RARB: variants seen among roughly 807,000 people sequenced by gnomAD.
RARB encodes the protein HBV-activated protein.
RARB carries 17 observed loss-of-function variants against 51.9 expected under a neutral mutation model. That is an observed-to-expected ratio of 0.33 (90% CI 0.22 to 0.49). The LOEUF (loss-of-function observed/expected upper bound fraction) is 0.49, where lower values mean the gene tolerates loss of function less well. Among genes scored for constraint, RARB ranks in the 20% least tolerant of loss-of-function variants. RARB has a pLI of 0.99. For missense variants in RARB, 369 were observed against 550.8 expected, an observed-to-expected ratio of 0.67 and a Z score of 3.30; for synonymous variants, 215 against 195.4, an observed-to-expected ratio of 1.10 and a Z score of -0.84.
In RARB at chr3:25,428,720, G is replaced by A; in HGVS notation, c.-12G>A. On this transcript the variant is annotated 5_prime_UTR_variant, in exon 1 of 8. Transcript: ENST00000330688. ...ATAAGCACTTTTGCAGACATTCAGT[G>A]CAAGGGAGATCATGTTTGACTGTAT... The A allele has an allele frequency of 6.2e-7, 1 of 1,612,078 alleles. No homozygotes were observed. The highest frequency in any genetic ancestry group is 8.5e-7 in the Non-Finnish European group (1 of 1,178,396).
intron 5 of RARB, among the ~76,000 whole-genome samples, chr3:25,234,636 T>C (rs925238785): frequency 2.0e-5 from 3 of 148,332 alleles, no homozygotes; most frequent in African/African-American, 7.4e-5. Context: ...CACTTCTCTT[T>C]TCCCTGGGAC....
At chr3:25,200,993 A>C (rs867420914) in intron 5 of RARB, among the ~76,000 whole-genome samples, 6 of 152,112 alleles carry the variant, frequency 3.9e-5, no homozygotes, top group African/African-American at 1.2e-4. Flanking sequence ...TCATTGGTAG[A>C]TTGATGAGGA....
chr3:25,342,899 G>A (rs1485536460), intron 5 of RARB, among the ~76,000 whole-genome samples: 2 of 152,114 alleles, frequency 1.3e-5, no homozygotes, highest in Non-Finnish European at 2.9e-5. Context: ...TTGTGATGGA[G>A]CCCAGTGCTG....
intron 3 of RARB, among the ~76,000 whole-genome samples, chr3:25,520,617 A>G (rs77898348): frequency 0.039 from 5,873 of 152,318 alleles, 148 homozygotes; most frequent in Non-Finnish European, 0.057. Flanking sequence ...TTATCTAGAA[A>G]TTGCCTCAGA....
At chr3:25,127,927 C>A (rs1699887757) in intron 3 of RARB, among the ~76,000 whole-genome samples, 1 of 152,060 alleles carries the variant, frequency 6.6e-6, no homozygotes, top group Admixed American at 6.6e-5. Flanking sequence ...AAAAAAGCCA[C>A]CATTTGGGTA....
chr3:24,930,868 C>T (rs1034645659), intron 2 of RARB, among the ~76,000 whole-genome samples: 1 of 151,976 alleles, frequency 6.6e-6, no homozygotes, highest in Non-Finnish European at 1.5e-5. Flanking sequence ...TAAAAAATAG[C>T]CAGGTGTGGT....
chr3:25,237,061 C>T (rs534601729), intron 5 of RARB, among the ~76,000 whole-genome samples: 16 of 151,754 alleles, frequency 1.1e-4, no homozygotes, highest in East Asian at 1.9e-4. Flanking sequence ...GAGTATCTTA[C>T]GCTATTATCA....
At chr3:24,920,858 A>C (rs976049333) in intron 2 of RARB, among the ~76,000 whole-genome samples, 1 of 152,210 alleles carries the variant, frequency 6.6e-6, no homozygotes, top group African/African-American at 2.4e-5. Context: ...CATTCTCAGC[A>C]AGAACCAGAG....
chr3:24,848,790 T>G (rs1458062329), intron 1 of RARB, among the ~76,000 whole-genome samples: 1 of 152,234 alleles, frequency 6.6e-6, no homozygotes, highest in East Asian at 1.9e-4. Flanking sequence ...AGAGAGTTAC[T>G]TAAAGGAAAA....
chr3:25,094,464 C>A (rs995057867), intron 3 of RARB, among the ~76,000 whole-genome samples: 2 of 152,084 alleles, frequency 1.3e-5, no homozygotes, highest in Non-Finnish European at 2.9e-5. Context: ...CACCTGTAAT[C>A]TCAGCACTTT....
At chr3:25,430,968 T>TA (rs1366896357) in intron 1 of RARB, among the ~76,000 whole-genome samples, 6 of 150,548 alleles carry the variant, frequency 4.0e-5, no homozygotes, top group African/African-American at 1.2e-4. Flanking sequence ...TTTTTTTTTT[T>TA]AGCATAAATA....
intron 1 of RARB, among the ~76,000 whole-genome samples, chr3:24,856,538 G>T (rs141870651): frequency 3.9e-4 from 59 of 152,154 alleles, no homozygotes; most frequent in African/African-American, 1.3e-3. Context: ...CTCCTGATTC[G>T]TTGACTTATG....
At chr3:25,059,807 G>A (rs959321103) in intron 2 of RARB, among the ~76,000 whole-genome samples, 3 of 151,856 alleles carry the variant, frequency 2.0e-5, no homozygotes, top group East Asian at 3.9e-4. Context: ...CCAAATCAGA[G>A]TTTGCTATAA....
At chr3:25,503,193 A>C (rs1378765501) in intron 3 of RARB, among the ~76,000 whole-genome samples, 1 of 152,208 alleles carries the variant, frequency 6.6e-6, no homozygotes, top group African/African-American at 2.4e-5. Context: ...GCTAACATTC[A>C]ATTGGCTCAG....
At chr3:25,307,143 A>C (rs1394107691) in intron 5 of RARB, among the ~76,000 whole-genome samples, 1 of 152,168 alleles carries the variant, frequency 6.6e-6, no homozygotes. Flanking sequence ...CCTCAGGATG[A>C]GGCAGGCGGA....
At chr3:25,211,370 A>G (rs889142123) in intron 5 of RARB, among the ~76,000 whole-genome samples, 3 of 152,340 alleles carry the variant, frequency 2.0e-5, no homozygotes, top group Admixed American at 2.0e-4. Context: ...CGCAGGAAAG[A>G]ATGTTTTTAG....
intron 2 of RARB, among the ~76,000 whole-genome samples, chr3:24,985,521 G>C (rs575857231): frequency 1.8e-4 from 28 of 152,216 alleles, no homozygotes; most frequent in South Asian, 8.3e-4. Flanking sequence ...TACCTTACAG[G>C]TTTTCCTTTG....
chr3:25,578,342 G>A (rs1701026685), intron 4 of RARB, among the ~76,000 whole-genome samples: 1 of 152,218 alleles, frequency 6.6e-6, no homozygotes, highest in African/African-American at 2.4e-5. Context: ...AGATTTACAT[G>A]CCGTTAAGAC....
intron 5 of RARB, among the ~76,000 whole-genome samples, chr3:25,186,884 C>CGTGTGT (rs1559497305): frequency 6.8e-5 from 4 of 58,820 alleles, no homozygotes; most frequent in South Asian, 6.6e-4. Context: ...AAAAGGTAAG[C>CGTGTGT]CTGTGTGTGT....
Sources: allele counts gnomAD v4.1 joint callset (sites outside exome capture counted in the v4.1 genomes callset), GRCh38; gene constraint gnomAD v4.1.1; transcripts MANE v1.5; gene names NCBI Gene and HGNC (gene_info 2026-07-23, HGNC 2026-07-21).